CLVS1: variants seen among roughly 807,000 people sequenced by gnomAD.
CLVS1 encodes clavesin 1.
A neutral mutation model predicts 33.1 loss-of-function variants in CLVS1; 10 were observed. That is an observed-to-expected ratio of 0.30 (90% CI 0.19 to 0.51). CLVS1 has a LOEUF of 0.51. Among genes scored for constraint, CLVS1 ranks in the 20% least tolerant of loss-of-function variants. The pLI, the probability that CLVS1 is intolerant of heterozygous loss-of-function variation, is 0.97. For missense variants in CLVS1, 343 were observed against 433.4 expected, an observed-to-expected ratio of 0.79 and a Z score of 1.85; for synonymous variants, 163 against 166.1, an observed-to-expected ratio of 0.98 and a Z score of 0.14.
intron 2 of CLVS1, among the ~76,000 whole-genome samples, chr8:61,281,343 T>C (rs1284372547): frequency 6.6e-6 from 1 of 152,114 alleles, no homozygotes; most frequent in African/African-American, 2.4e-5. Flanking sequence ...TACTTGGAAA[T>C]GGGGCCTCTA....
the CLVS1 span, among the ~76,000 whole-genome samples, chr8:61,009,565 T>C: frequency 6.6e-6 from 1 of 152,268 alleles, no homozygotes; most frequent in African/African-American, 2.4e-5. Context: ...TTAGAAATTT[T>C]TATTTCTTTT....
intron 3 of CLVS1, among the ~76,000 whole-genome samples, chr8:61,395,042 G>T (rs1814468006): frequency 6.6e-6 from 1 of 152,020 alleles, no homozygotes; most frequent in Non-Finnish European, 1.5e-5. Flanking sequence ...TCTTGCTATG[G>T]CGTTGCTTGA....
the CLVS1 span, among the ~76,000 whole-genome samples, chr8:61,045,286 T>G: frequency 2.0e-4 from 31 of 152,338 alleles, no homozygotes; most frequent in African/African-American, 7.0e-4. Flanking sequence ...TGAGACATAT[T>G]CTGGATATGG....
At chr8:61,446,010 A>G (rs1816748524) in intron 3 of CLVS1, among the ~76,000 whole-genome samples, 3 of 152,048 alleles carry the variant, frequency 2.0e-5, no homozygotes. Flanking sequence ...AGTATGCCCT[A>G]TTTCATTCCT....
intron 5 of CLVS1, among the ~76,000 whole-genome samples, chr8:61,480,448 T>C (rs1267237643): frequency 6.6e-6 from 1 of 152,176 alleles, no homozygotes; most frequent in Non-Finnish European, 1.5e-5. Context: ...AGTATTAGGG[T>C]GGGAGTGACC....
At chr8:61,019,480 A>G in the CLVS1 span, among the ~76,000 whole-genome samples, 1 of 152,172 alleles carries the variant, frequency 6.6e-6, no homozygotes. Context: ...TCCTGTGTCA[A>G]ATGAAAGGGT....
intron 2 of CLVS1, among the ~76,000 whole-genome samples, chr8:61,243,269 G>A (rs1018776553): frequency 9.2e-5 from 14 of 152,176 alleles, no homozygotes; most frequent in African/African-American, 3.1e-4. Context: ...CATATATACA[G>A]TAAGATCGTT....
chr8:61,067,814 G>T lies in CLVS1; in HGVS notation c.-243+10584G>T, dbSNP rs1585584598. The stretch of plus-strand genomic sequence containing the variant: ...AAAGATAGCAGCAATAAACACTGGG[G>T]ACTACTAGAAGGGGGAGGGAAAGTG... On this transcript the variant is annotated intron_variant, in intron 1 of 2. Transcript: ENST00000522621. Among the ~76,000 whole-genome samples the T allele has an allele frequency of 2.0e-5, 3 of 152,078 alleles. No individual in the cohort carries two copies. In the East Asian group the frequency reaches 5.8e-4, roughly 29 times the overall value.
chr8:61,415,854 A>C (rs73682301), intron 3 of CLVS1, among the ~76,000 whole-genome samples: 8,124 of 152,230 alleles, frequency 0.053, 321 homozygotes, highest in African/African-American at 0.1. Context: ...GAAAAATTTT[A>C]TTTCCTATCT....
At chr8:61,363,380 G>C in intron 2 of CLVS1, among the ~76,000 whole-genome samples, 1 of 152,152 alleles carries the variant, frequency 6.6e-6, no homozygotes, top group East Asian at 1.9e-4. Context: ...GGGAATGTAC[G>C]CTGATGTTTT....
At chr8:61,432,834 A>G (rs1033572146) in intron 3 of CLVS1, among the ~76,000 whole-genome samples, 2 of 152,218 alleles carry the variant, frequency 1.3e-5, no homozygotes, top group Non-Finnish European at 2.9e-5. Context: ...TAGGTTGAAG[A>G]AAAAGAAACA....
intron 5 of CLVS1, among the ~76,000 whole-genome samples, chr8:61,459,702 T>G (rs1448252582): frequency 6.6e-6 from 1 of 152,192 alleles, no homozygotes; most frequent in East Asian, 1.9e-4. Flanking sequence ...TGGGCCCTTG[T>G]AATTCTGTTT....
chr8:61,474,920 A>G (rs1817861691), intron 5 of CLVS1, among the ~76,000 whole-genome samples: 2 of 152,136 alleles, frequency 1.3e-5, no homozygotes, highest in South Asian at 4.1e-4. Flanking sequence ...AGCATTAGGT[A>G]TATCTCCTAA....
Position 61,240,909 on chromosome 8 carries a change from TTTA to T in CLVS1, c.-151-58767_-151-58765del, listed in dbSNP as rs1405444738. Among the ~76,000 whole-genome samples the T allele has an allele frequency of 2.8e-4, 43 of 150,950 alleles. 3 individuals are homozygous for T. Among genetic ancestry groups the T allele is most frequent in the African/African-American group, 1.0e-3 (41 of 40,788 alleles). ...TTTGCTGTAGGTTTTTTTTTTTTTT[TTTA>T]AAATAGAGAACTATCTTCATCCATA... On this transcript the variant is annotated intron_variant, in intron 2 of 2. Transcript: ENST00000522621.
intron 2 of CLVS1, among the ~76,000 whole-genome samples, chr8:61,141,790 C>G (rs1806312555): frequency 6.6e-6 from 1 of 152,238 alleles, no homozygotes; most frequent in South Asian, 2.1e-4. Flanking sequence ...CACTCCCCAG[C>G]ATAGGACAGG....
At chr8:61,033,047 A>AGGAAGGAAGG in the CLVS1 span, among the ~76,000 whole-genome samples, 3 of 77,978 alleles carry the variant, frequency 3.8e-5, no homozygotes, top group Non-Finnish European at 8.4e-5. Context: ...GAAAGAAAGA[A>AGGAAGGAAGG]AAAGAAAGAA....
chr8:61,237,748 T>G (rs1808598588), intron 2 of CLVS1, among the ~76,000 whole-genome samples: 1 of 152,154 alleles, frequency 6.6e-6, no homozygotes, highest in Non-Finnish European at 1.5e-5. Flanking sequence ...CAAAGGCCTG[T>G]GTACTACCTA....
chr8:61,067,937 A>G (rs1370238766), intron 1 of CLVS1, among the ~76,000 whole-genome samples: 2 of 151,940 alleles, frequency 1.3e-5, no homozygotes, highest in African/African-American at 4.8e-5. Flanking sequence ...ACATATACCC[A>G]GGGAACAAAC....
At chr8:61,111,822 A>T (rs1480907608) in intron 1 of CLVS1, among the ~76,000 whole-genome samples, 1 of 152,190 alleles carries the variant, frequency 6.6e-6, no homozygotes, top group African/African-American at 2.4e-5. Flanking sequence ...ATTTTTATAG[A>T]TTTTAAAATA....
Sources: gnomAD v4.1 joint callset for allele counts (sites outside exome capture counted in the v4.1 genomes callset) on GRCh38, gnomAD v4.1.1 for gene constraint, MANE v1.5 for transcripts, NCBI Gene and HGNC (gene_info 2026-07-23, HGNC 2026-07-21) for gene names.